The following LRRC4C variants were observed in gnomAD, a reference collection of about 807,000 sequenced individuals.
LRRC4C encodes leucine-rich repeat-containing protein 4C.
LRRC4C carries 5 observed loss-of-function variants against 33.6 expected under a neutral mutation model. That is an observed-to-expected ratio of 0.15 (90% CI 0.08 to 0.31). The LOEUF (loss-of-function observed/expected upper bound fraction) is 0.31, where lower values mean the gene tolerates loss of function less well. Ranked by LOEUF, LRRC4C falls within the 10% of genes least tolerant of loss-of-function variation. The pLI, the probability that LRRC4C is intolerant of heterozygous loss-of-function variation, is 1.00. For synonymous variants in LRRC4C, 329 were observed against 302.0 expected (o/e 1.09, Z -0.93); for missense variants, 560 against 796.7 (o/e 0.70, Z 3.58).
At chr11:41,386,398 T>C (rs1160098285) in intron 1 of LRRC4C, among the ~76,000 whole-genome samples, 2 of 151,710 alleles carry the variant, frequency 1.3e-5, no homozygotes, top group Non-Finnish European at 3.0e-5. Flanking sequence ...TTCACACAGC[T>C]TCCTCTAATG....
At chr11:40,918,573 T>C (rs912053921) in intron 2 of LRRC4C, among the ~76,000 whole-genome samples, 1 of 152,078 alleles carries the variant, frequency 6.6e-6, no homozygotes, top group Admixed American at 6.6e-5. Flanking sequence ...TCCTTAAAAA[T>C]CTATTTCACA....
chr11:40,315,469 T>C (rs1478979298), intron 4 of LRRC4C, among the ~76,000 whole-genome samples: 2 of 151,996 alleles, frequency 1.3e-5, no homozygotes, highest in East Asian at 3.8e-4. Flanking sequence ...ATATGTAATA[T>C]GTAAAATTAT....
intron 1 of LRRC4C, among the ~76,000 whole-genome samples, chr11:41,408,756 A>AAAAAAAAAAAAACAAAC (rs1565649967): frequency 4.3e-5 from 6 of 140,802 alleles, no homozygotes; most frequent in African/African-American, 1.9e-4. Context: ...GTAAAAAAAA[A>AAAAAAAAAAAAACAAAC]AAAAAAAAAA....
At chr11:40,940,749 C>A (rs1211348095) in intron 1 of LRRC4C, among the ~76,000 whole-genome samples, 1 of 152,060 alleles carries the variant, frequency 6.6e-6, no homozygotes, top group Non-Finnish European at 1.5e-5. Flanking sequence ...AAACTTTACT[C>A]AAAACTCTAG....
intron 6 of LRRC4C, among the ~76,000 whole-genome samples, chr11:40,137,768 G>A: frequency 6.6e-6 from 1 of 152,128 alleles, no homozygotes; most frequent in Non-Finnish European, 1.5e-5. Flanking sequence ...GTGTGTGGTA[G>A]CATCTGTCTT....
At chr11:40,602,417 A>G (rs1189505178) in intron 3 of LRRC4C, among the ~76,000 whole-genome samples, 1 of 152,146 alleles carries the variant, frequency 6.6e-6, no homozygotes, top group Admixed American at 6.5e-5. Context: ...TGTTTATGAG[A>G]AAAGAATCAA....
At chr11:41,345,065 TAAAC>T (rs1414543886) in intron 1 of LRRC4C, among the ~76,000 whole-genome samples, 1 of 152,178 alleles carries the variant, frequency 6.6e-6, no homozygotes, top group Non-Finnish European at 1.5e-5. Flanking sequence ...TAATTTTTCT[TAAAC>T]AAAGCAGAGG....
At chr11:40,251,111 T>C (rs961152679) in intron 4 of LRRC4C, among the ~76,000 whole-genome samples, 4 of 152,206 alleles carry the variant, frequency 2.6e-5, no homozygotes, top group Non-Finnish European at 5.9e-5. Flanking sequence ...CAGACCTTCC[T>C]AAGCAGTCAG....
intron 1 of LRRC4C, among the ~76,000 whole-genome samples, chr11:41,161,877 A>G (rs1314881094): frequency 3.9e-5 from 6 of 152,234 alleles, no homozygotes; most frequent in African/African-American, 1.2e-4. Context: ...AATGAGTAAC[A>G]ACACCTCTAG....
intron 5 of LRRC4C, among the ~76,000 whole-genome samples, chr11:40,178,823 C>T (rs963347133): frequency 5.3e-4 from 81 of 152,036 alleles, no homozygotes; most frequent in African/African-American, 1.9e-3. Context: ...TTAAAGTGAC[C>T]TTCTCTGTGT....
chr11:40,667,966 C>A (rs12281765), intron 2 of LRRC4C, among the ~76,000 whole-genome samples: 4,739 of 152,276 alleles, frequency 0.031, 232 homozygotes, highest in African/African-American at 0.11. Flanking sequence ...ACTCCTTCAT[C>A]TGTGAAAACT....
chr11:40,593,516 A>T (rs1959152202), intron 3 of LRRC4C, among the ~76,000 whole-genome samples: 1 of 152,220 alleles, frequency 6.6e-6, no homozygotes, highest in African/African-American at 2.4e-5. Flanking sequence ...TGTACTGAAC[A>T]AGAGAGAAAC....
At chr11:40,907,793 G>A (rs1956488482) in intron 2 of LRRC4C, among the ~76,000 whole-genome samples, 2 of 152,152 alleles carry the variant, frequency 1.3e-5, no homozygotes, top group Non-Finnish European at 2.9e-5. Context: ...AAATCTCAAT[G>A]TGGCTTCTCT....
At chr11:40,892,917 G>T (rs930188642) in intron 2 of LRRC4C, among the ~76,000 whole-genome samples, 1 of 152,046 alleles carries the variant, frequency 6.6e-6, no homozygotes, top group African/African-American at 2.4e-5. Context: ...GTACATTTAT[G>T]AATGGTTAAA....
intron 1 of LRRC4C, among the ~76,000 whole-genome samples, chr11:41,109,908 C>T (rs1009572199): frequency 4.6e-5 from 7 of 151,902 alleles, no homozygotes; most frequent in Admixed American, 3.9e-4. Context: ...TGTAGTATTG[C>T]TTTTTCTTCG....
At chr11:41,366,403 A>G (rs569500815) in intron 1 of LRRC4C, among the ~76,000 whole-genome samples, 6 of 152,300 alleles carry the variant, frequency 3.9e-5, no homozygotes, top group African/African-American at 1.4e-4. Context: ...TTTAACCAAA[A>G]GCAAAGACAA....
chr11:40,998,923 C>T (rs115134954), intron 1 of LRRC4C, among the ~76,000 whole-genome samples: 167 of 152,138 alleles, frequency 1.1e-3, no homozygotes, highest in African/African-American at 3.8e-3. Context: ...CCTCCTTTCC[C>T]GCATCATCTA....
chr11:40,733,906 G>A (rs910887735), intron 2 of LRRC4C, among the ~76,000 whole-genome samples: 5 of 152,110 alleles, frequency 3.3e-5, no homozygotes, highest in African/African-American at 1.2e-4. Context: ...TAAATTTTGA[G>A]AAAAGTAAGT....
chr11:40,561,540 G>T (rs978241128), intron 3 of LRRC4C, among the ~76,000 whole-genome samples: 10 of 149,132 alleles, frequency 6.7e-5, no homozygotes, highest in African/African-American at 2.5e-4. Flanking sequence ...AGCTTCCCAA[G>T]TAGCTAGGAC....
Sources: gnomAD v4.1 joint callset for allele counts (sites outside exome capture counted in the v4.1 genomes callset) on GRCh38, gnomAD v4.1.1 for gene constraint, MANE v1.5 for transcripts, NCBI Gene and HGNC (gene_info 2026-07-23, HGNC 2026-07-21) for gene names.